Variants in CLNK observed in about 807,000 individuals in gnomAD.
CLNK encodes cytokine dependent hematopoietic cell linker.
A neutral mutation model predicts 68.6 loss-of-function variants in CLNK; 74 were observed. The observed-to-expected ratio is 1.08, with a 90% CI of 0.89 to 1.31. The LOEUF (loss-of-function observed/expected upper bound fraction) is 1.31, where lower values mean the gene tolerates loss of function less well. CLNK is among the 50% of genes most tolerant of loss of function. The pLI is 0.00. For synonymous variants in CLNK, 198 were observed against 172.2 expected (o/e 1.15, Z -1.17); for missense variants, 553 against 515.3 (o/e 1.07, Z -0.71).
the CLNK span, among the ~76,000 whole-genome samples, chr4:10,691,104 C>A: frequency 6.6e-6 from 1 of 152,078 alleles, no homozygotes; most frequent in Admixed American, 6.6e-5. Flanking sequence ...GGAGAGATTT[C>A]CAAGTAGAGG....
At chr4:10,622,471 A>G (rs1454802640) in intron 2 of CLNK, among the ~76,000 whole-genome samples, 1 of 152,244 alleles carries the variant, frequency 6.6e-6, no homozygotes, top group Non-Finnish European at 1.5e-5. Flanking sequence ...GGCTAACTGC[A>G]ATAACAGGCA....
At chr4:10,491,844 A>C (rs1716587804) in intron 18 of CLNK, among the ~76,000 whole-genome samples, 1 of 152,072 alleles carries the variant, frequency 6.6e-6, no homozygotes, top group African/African-American at 2.4e-5. Context: ...ATAATGGTGA[A>C]GTTTGGGCTT....
At chr4:10,662,724 T>G (rs1361380671) in intron 2 of CLNK, among the ~76,000 whole-genome samples, 1 of 152,206 alleles carries the variant, frequency 6.6e-6, no homozygotes, top group Non-Finnish European at 1.5e-5. Flanking sequence ...TTCTAAAATT[T>G]TAAGATATTA....
chr4:10,655,671 A>T (rs1480654744), intron 2 of CLNK, among the ~76,000 whole-genome samples: 1 of 101,358 alleles, frequency 9.9e-6, no homozygotes, highest in Non-Finnish European at 1.8e-5. Context: ...TTTTTTTGAG[A>T]CAGAGTCTTG....
In CLNK at chr4:10,488,006, G is replaced by A. The variant is rs1409028270; in HGVS notation, c.*2461C>T. The A allele has an allele frequency of 1.3e-5, 2 of 152,100 alleles. No individual in the cohort carries two copies. Among genetic ancestry groups the A allele is most frequent in the Admixed American group, 6.6e-5 (1 of 15,258 alleles). The allele number at this position is 152,100 out of a possible 1,614,324, so 9.4% of individuals were successfully genotyped here. On this transcript the variant is annotated 3_prime_UTR_variant, in exon 19 of 19. Transcript: ENST00000226951. ...CCAATCCCTCAAACCCCAATCACCA[G>A]AAGCAGCCCATGTCAGTATTTTCCA...
the CLNK span, among the ~76,000 whole-genome samples, chr4:10,722,314 C>T: frequency 6.6e-6 from 1 of 152,132 alleles, no homozygotes; most frequent in African/African-American, 2.4e-5. Context: ...ATCCAAGCTC[C>T]TAAGCTCCTA....
At chr4:10,614,124 C>T in intron 2 of CLNK, among the ~76,000 whole-genome samples, 1 of 152,198 alleles carries the variant, frequency 6.6e-6, no homozygotes, top group East Asian at 1.9e-4. Flanking sequence ...TGAGAGTCTT[C>T]TGGCTCAAAC....
intron 2 of CLNK, among the ~76,000 whole-genome samples, chr4:10,609,891 T>C (rs17467895): frequency 0.12 from 17,831 of 152,128 alleles, 1,283 homozygotes; most frequent in Non-Finnish European, 0.16. Flanking sequence ...CTGTCCAAGC[T>C]AACCAGATGC....
chr4:10,708,535 A>G, the CLNK span, among the ~76,000 whole-genome samples: 1 of 152,200 alleles, frequency 6.6e-6, no homozygotes, highest in African/African-American at 2.4e-5. Context: ...ATGTTAGCAT[A>G]TCTAGAGCAC....
At chr4:10,654,912 C>T (rs917380811) in intron 2 of CLNK, among the ~76,000 whole-genome samples, 6 of 151,938 alleles carry the variant, frequency 3.9e-5, no homozygotes, top group Admixed American at 6.6e-5. Context: ...ATCATCCTGG[C>T]TAACACAGGT....
intron 2 of CLNK, among the ~76,000 whole-genome samples, chr4:10,602,448 T>C (rs1721620951): frequency 6.6e-6 from 1 of 152,186 alleles, no homozygotes; most frequent in Admixed American, 6.5e-5. Flanking sequence ...AAAGTGTTCT[T>C]CTATGAGGAG....
intron 18 of CLNK, among the ~76,000 whole-genome samples, chr4:10,496,893 C>G (rs371013903): frequency 1.3e-5 from 2 of 152,200 alleles, no homozygotes; most frequent in African/African-American, 4.8e-5. Context: ...TTTAAGGGTG[C>G]TCTTGAGCCC....
chr4:10,566,247 A>G lies in CLNK; in HGVS notation c.151-97T>C, dbSNP rs1031323653. The G allele has an allele frequency of 7.0e-6, 8 of 1,149,404 alleles. No homozygotes were observed. The South Asian group carries it at 1.3e-4, about 19-fold the overall frequency. 71.2% of individuals were successfully genotyped at this position (1,149,404 alleles called of 1,614,324 possible). A position where few individuals can be genotyped will look rare whatever the true frequency, so the allele number is the denominator to read the frequency against. On this transcript the variant is annotated intron_variant, in intron 5 of 18. Coordinates refer to ENST00000226951, the MANE Select transcript of CLNK (RefSeq NM_052964.4). The stretch of plus-strand genomic sequence containing the variant: ...CTAGAGAAATGGGGTAGACCTTCTT[A>G]GCTGCAAGTTAAATATTTAAGAATC...
chr4:10,505,887 C>A (rs1008042410), intron 17 of CLNK, among the ~76,000 whole-genome samples: 1 of 152,182 alleles, frequency 6.6e-6, no homozygotes. Flanking sequence ...TTCTGTTTAT[C>A]ATAGCAACTT....
intron 7 of CLNK, among the ~76,000 whole-genome samples, chr4:10,559,429 A>G (rs1306292398): frequency 6.6e-6 from 1 of 152,090 alleles, no homozygotes; most frequent in Non-Finnish European, 1.5e-5. Flanking sequence ...TCATTACACC[A>G]TCAGCTTTCA....
intron 1 of CLNK, among the ~76,000 whole-genome samples, chr4:10,673,098 C>T (rs1724720690): frequency 6.6e-6 from 1 of 152,212 alleles, no homozygotes; most frequent in African/African-American, 2.4e-5. Context: ...CAATTTCTCT[C>T]TCAGGTCTTA....
intron 6 of CLNK, among the ~76,000 whole-genome samples, chr4:10,565,270 C>T (rs1332876733): frequency 1.3e-5 from 2 of 152,198 alleles, no homozygotes; most frequent in Admixed American, 6.5e-5. Context: ...AGTAGATGCT[C>T]AATGAATGCT....
the CLNK span, among the ~76,000 whole-genome samples, chr4:10,723,347 G>A: frequency 6.6e-6 from 1 of 152,148 alleles, no homozygotes; most frequent in African/African-American, 2.4e-5. Context: ...AATTATGCTA[G>A]TGGAGTATAT....
chr4:10,667,856 T>C lies in CLNK; in HGVS notation c.11+3A>G. The C allele has an allele frequency of 7.8e-7, 1 of 1,275,132 alleles. No homozygotes were observed. The highest frequency in any genetic ancestry group is 1.0e-6 in the Non-Finnish European group (1 of 985,526). 79.0% of individuals were successfully genotyped at this position (1,275,132 alleles called of 1,614,324 possible). A position where few individuals can be genotyped will look rare whatever the true frequency, so the allele number is the denominator to read the frequency against. On this transcript the variant is annotated splice_donor_region_variant and intron_variant, in intron 2 of 18. Transcript: ENST00000226951. ...GGGCTCACAGTGATCCCACGGTACT[T>C]ACTGCCTGTTCATAGTTCTTGGCAC...
Sources: gnomAD v4.1 joint callset for allele counts (sites outside exome capture counted in the v4.1 genomes callset) on GRCh38, gnomAD v4.1.1 for gene constraint, MANE v1.5 for transcripts, NCBI Gene and HGNC (gene_info 2026-07-23, HGNC 2026-07-21) for gene names.